Variants in TCF20 observed in about 807,000 individuals in gnomAD.
TCF20 encodes the protein transcription factor 20, also known as SPRE-binding protein.
Under a neutral mutation model 148.6 loss-of-function variants are expected in TCF20, and 3 were observed. The observed-to-expected ratio is 0.02, with a 90% CI of 0.01 to 0.05. The LOEUF is 0.05. TCF20 is among the 10% of genes least tolerant of loss of function. The pLI is 1.00. For synonymous variants in TCF20, 1,049 were observed against 909.5 expected (o/e 1.15, Z -2.76); for missense variants, 2,350 against 2,429.3 (o/e 0.97, Z 0.69).
rs1416722456 is a variant in TCF20 at position 42,160,511 on chromosome 22, G to A, written c.*892C>T. ...CTGAGGACAGGGGGCCCCAGAGGAGGGTCATCCCTTGATTTTGCTGCTGCT... is the reference window on the plus strand; with the variant it reads ...CTGAGGACAGGGGGCCCCAGAGGAGAGTCATCCCTTGATTTTGCTGCTGCT... On this transcript the variant is annotated 3_prime_UTR_variant, in exon 6 of 6. Transcript: ENST00000677622. 1 of 152,556 alleles carries A rather than the reference G, an allele frequency of 6.6e-6. No individual in the cohort carries two copies. The highest frequency in any genetic ancestry group is 6.6e-5 in the Admixed American group (1 of 15,258). The allele number at this position is 152,556 out of a possible 1,614,324, so 9.5% of individuals were successfully genotyped here.
At chr22:42,237,331 C>T (rs1271318990) in intron 1 of TCF20, among the ~76,000 whole-genome samples, 2 of 152,212 alleles carry the variant, frequency 1.3e-5, no homozygotes, top group East Asian at 3.8e-4. Flanking sequence ...AGCAACTCCT[C>T]ATCTGTTCAA....
Position 42,212,652 on chromosome 22 carries a change from A to G in TCF20, c.2654T>C (p.Leu885Pro). 6.2e-7 allele frequency: 1 copy of G among 1,614,230 alleles called. No homozygotes were observed. The change falls in exon 2 of 6, where the codon CTG becomes CCG. Residue 885 changes from leucine (L) to proline (P), a missense_variant. Leu to Pro is a moderately conservative substitution (Grantham distance 98). This residue lies in a region of TCF20 where 1,641 missense variants were observed against 1,662.6 expected (regional missense o/e 0.99). Transcript: ENST00000677622. Reference sequence around the variant, plus strand: ...TCTGGTGTCGGCACTCATGTGTCCCAGTGAGTGAGCCCCTGGGTCCCTGAC... The same window carrying G: ...TCTGGTGTCGGCACTCATGTGTCCCGGTGAGTGAGCCCCTGGGTCCCTGAC... Reference protein sequence around the residue: ...QIVRDPGAHSLGHMSADTRIG... With the variant: ...QIVRDPGAHSPGHMSADTRIG...
chr22:42,203,019 G>T (rs1197889867), intron 2 of TCF20, among the ~76,000 whole-genome samples: 5 of 152,216 alleles, frequency 3.3e-5, no homozygotes, highest in Admixed American at 3.3e-4. Flanking sequence ...TTTGCTGTTA[G>T]CTCTTTTAAC....
At position 42,297,527 on chromosome 22, in the gene TCF20, T is replaced by A. The variant is rs896493009; in HGVS notation, c.-37+45952A>T. ...CAAGGGCACAGCTGGGTGAGCCCCA[T>A]GGCTGGGCTGGAGGGGCCAGACACT... On this transcript the variant is annotated intron_variant, in intron 1 of 1. Coordinates refer to the TCF20 transcript ENST00000515426. The surrounding 1 kb of genome is among the most constrained non-coding windows in gnomAD (Gnocchi z 4.3). Among the ~76,000 whole-genome samples the A allele has an allele frequency of 5.3e-5, 8 of 152,174 alleles. No individual in the cohort carries two copies. Among genetic ancestry groups the A allele is most frequent in the African/African-American group, 1.9e-4 (8 of 41,450 alleles).
intron 1 of TCF20, chr22:42,270,083 C>G (rs1357816247): frequency 6.5e-6 from 1 of 152,898 alleles, no homozygotes; most frequent in Non-Finnish European, 1.5e-5. Context: ...CGCCGGAACC[C>G]CGGGCCGGCC....
upstream of TCF20, among the ~76,000 whole-genome samples, chr22:42,287,068 G>A (rs1306648372): frequency 6.6e-6 from 1 of 152,006 alleles, no homozygotes; most frequent in Non-Finnish European, 1.5e-5. Context: ...CTGGGGGGAA[G>A]GGAGGAGGGG....
At chr22:42,301,068 C>G (rs1174271995) in intron 1 of TCF20, among the ~76,000 whole-genome samples, 1 of 152,034 alleles carries the variant, frequency 6.6e-6, no homozygotes, top group Non-Finnish European at 1.5e-5. Context: ...GGTCCTAGGG[C>G]AGAGCATGGC....
intron 4 of TCF20, among the ~76,000 whole-genome samples, chr22:42,169,603 C>T (rs1479189559): frequency 2.0e-5 from 3 of 152,260 alleles, no homozygotes; most frequent in Admixed American, 6.5e-5. Context: ...AGACAAACAC[C>T]CCCTCTCCCA....
At chr22:42,255,511 A>T (rs1925689357) in intron 1 of TCF20, among the ~76,000 whole-genome samples, 1 of 151,138 alleles carries the variant, frequency 6.6e-6, no homozygotes, top group Non-Finnish European at 1.5e-5. Flanking sequence ...AACAACAACA[A>T]CAACAACAAC....
chr22:42,332,997 T>C (rs1928003999), intron 1 of TCF20, among the ~76,000 whole-genome samples: 1 of 152,230 alleles, frequency 6.6e-6, no homozygotes, highest in South Asian at 2.1e-4. Context: ...GGATGGAGGC[T>C]GCACAGCTAC....
chr22:42,260,502 G>A (rs928830620), intron 1 of TCF20, among the ~76,000 whole-genome samples: 1 of 152,152 alleles, frequency 6.6e-6, no homozygotes. Context: ...AAGAGGGTAT[G>A]GTTCTTGAGA....
At chr22:42,197,068 C>T (rs983275769) in intron 2 of TCF20, among the ~76,000 whole-genome samples, 1 of 152,182 alleles carries the variant, frequency 6.6e-6, no homozygotes, top group Non-Finnish European at 1.5e-5. Context: ...TCAGATAGGG[C>T]TGAATTTTCT....
At chr22:42,293,161 C>G (rs1340817606) in intron 1 of TCF20, among the ~76,000 whole-genome samples, 1 of 152,132 alleles carries the variant, frequency 6.6e-6, no homozygotes, top group Non-Finnish European at 1.5e-5. Flanking sequence ...GCCCCCCAGC[C>G]CCTCGAATAG....
chr22:42,225,486 C>A (rs541766888), intron 1 of TCF20, among the ~76,000 whole-genome samples: 1 of 150,754 alleles, frequency 6.6e-6, no homozygotes. Context: ...CGGTGGCGGG[C>A]GCCTGTAGTC....
intron 2 of TCF20, among the ~76,000 whole-genome samples, chr22:42,205,857 C>T (rs189079545): frequency 1.1e-3 from 166 of 152,264 alleles, no homozygotes; most frequent in African/African-American, 3.8e-3. Flanking sequence ...CTGCAACCTC[C>T]GTCTCCTAGG....
chr22:42,324,191 T>A (rs1277041918), intron 1 of TCF20, among the ~76,000 whole-genome samples: 8 of 148,820 alleles, frequency 5.4e-5, no homozygotes, highest in Non-Finnish European at 1.5e-5. Context: ...GTTATGGTGG[T>A]GGTGGTGGAG....
upstream of TCF20, chr22:42,275,165 T>A (rs1926746181): frequency 6.6e-6 from 1 of 152,138 alleles, no homozygotes; most frequent in Non-Finnish European, 1.5e-5. Flanking sequence ...GGACCAAAAG[T>A]CTGCAGGCCG....
intron 2 of TCF20, among the ~76,000 whole-genome samples, chr22:42,203,411 G>T (rs1275130113): frequency 6.6e-6 from 1 of 152,046 alleles, no homozygotes; most frequent in Non-Finnish European, 1.5e-5. Flanking sequence ...AAAAAGTCAA[G>T]AAATAAATCG....
chr22:42,303,037 C>A (rs1319816788), intron 1 of TCF20, among the ~76,000 whole-genome samples: 1 of 152,248 alleles, frequency 6.6e-6, no homozygotes, highest in African/African-American at 2.4e-5. Context: ...TCAAGCAATC[C>A]TCCTGCCTCA....
Sources: allele counts gnomAD v4.1 joint callset (sites outside exome capture counted in the v4.1 genomes callset), GRCh38; gene constraint gnomAD v4.1.1; regional missense constraint gnomAD v4.1.1; non-coding constraint Gnocchi (gnomAD v3.1); transcripts MANE v1.5; gene names NCBI Gene and HGNC (gene_info 2026-07-23, HGNC 2026-07-21).